Variants in PLXNA2 observed in about 807,000 individuals in gnomAD.
The protein encoded by PLXNA2 is plexin-A2.
Under a neutral mutation model 193.5 loss-of-function variants are expected in PLXNA2, and 91 were observed. The ratio of observed to expected loss-of-function variants is 0.47; its 90% CI spans 0.40 to 0.56. The LOEUF is 0.56. Ranked by LOEUF, PLXNA2 falls within the 20% of genes least tolerant of loss-of-function variation. The probability of loss-of-function intolerance (pLI) is 0.00; values close to 1 mark genes in which losing one functional copy is unlikely to be tolerated. For synonymous variants in PLXNA2, 997 were observed against 1,027.3 expected (o/e 0.97, Z 0.56); for missense variants, 1,995 against 2,503.2 (o/e 0.80, Z 4.33).
intron 4 of PLXNA2, among the ~76,000 whole-genome samples, chr1:208,125,241 G>A (rs1279690810): frequency 6.6e-6 from 1 of 152,202 alleles, no homozygotes; most frequent in Admixed American, 6.5e-5. Flanking sequence ...CTAACACAAT[G>A]CGTTTGAAGT....
chr1:208,123,372 T>G (rs1280957555), intron 4 of PLXNA2, among the ~76,000 whole-genome samples: 1 of 152,214 alleles, frequency 6.6e-6, no homozygotes, highest in East Asian at 1.9e-4. Flanking sequence ...TGATCCAGTT[T>G]AGTCATTAAT....
intron 4 of PLXNA2, among the ~76,000 whole-genome samples, chr1:208,119,786 T>C (rs976630517): frequency 5.9e-5 from 9 of 152,164 alleles, no homozygotes; most frequent in African/African-American, 2.2e-4. Context: ...ATTTAATTTT[T>C]GTATTTTTAG....
chr1:208,159,366 G>T (rs142835619), intron 3 of PLXNA2, among the ~76,000 whole-genome samples: 23 of 152,348 alleles, frequency 1.5e-4, no homozygotes, highest in African/African-American at 5.5e-4. Flanking sequence ...CCATAGAAGA[G>T]GAACTGAGTC....
At chr1:208,196,313 C>G (rs933061641) in intron 3 of PLXNA2, among the ~76,000 whole-genome samples, 2 of 152,178 alleles carry the variant, frequency 1.3e-5, no homozygotes, top group Admixed American at 1.3e-4. Flanking sequence ...ACCAAACACA[C>G]TGTTTCCTAG....
chr1:208,059,143 C>A (rs946503400), intron 13 of PLXNA2, among the ~76,000 whole-genome samples: 2 of 152,284 alleles, frequency 1.3e-5, no homozygotes, highest in Non-Finnish European at 1.5e-5. Flanking sequence ...TAACTGAGCA[C>A]CTTGCCTAGT....
intron 2 of PLXNA2, among the ~76,000 whole-genome samples, chr1:208,211,955 CG>C (rs1553298326): frequency 1.3e-5 from 2 of 152,186 alleles, no homozygotes; most frequent in Non-Finnish European, 2.9e-5. Flanking sequence ...GTGCTCAGCA[CG>C]GGGCTGGGTC....
At chr1:208,167,699 C>T (rs1385121316) in intron 3 of PLXNA2, among the ~76,000 whole-genome samples, 1 of 152,244 alleles carries the variant, frequency 6.6e-6, no homozygotes. Flanking sequence ...CTGCGCTCTT[C>T]CCTAACGGGA....
rs537493001 is a variant in PLXNA2, at chr1:208,214,979, C to A, written c.1188+1756G>T. ...TCTTCCTCTCTCTCTCTCTCTTCCCCCTACTAGATTATAAGATCTGTGAGA... is the reference window on the plus strand; with the variant it reads ...TCTTCCTCTCTCTCTCTCTCTTCCCACTACTAGATTATAAGATCTGTGAGA... On this transcript the variant is annotated intron_variant, in intron 2 of 31. Transcript: ENST00000367033. Among the ~76,000 whole-genome samples, 119 of 152,132 alleles carry A rather than the reference C, an allele frequency of 7.8e-4. 3 individuals carry two copies. In the South Asian group the frequency reaches 0.024, roughly 30 times the overall value.
chr1:208,107,023 T>C (rs1172605540), intron 4 of PLXNA2, among the ~76,000 whole-genome samples: 1 of 152,194 alleles, frequency 6.6e-6, no homozygotes, highest in African/African-American at 2.4e-5. Context: ...TGGGAAGAAC[T>C]GCAAAGACCA....
chr1:208,220,521 C>T (rs574059415), intron 1 of PLXNA2, among the ~76,000 whole-genome samples: 2 of 152,138 alleles, frequency 1.3e-5, no homozygotes, highest in East Asian at 3.9e-4. Flanking sequence ...AGACCTCCGC[C>T]TCCCTGGTTC....
intron 17 of PLXNA2, among the ~76,000 whole-genome samples, chr1:208,047,203 C>T (rs1665102071): frequency 2.2e-5 from 3 of 135,962 alleles, no homozygotes; most frequent in Non-Finnish European, 4.8e-5. Flanking sequence ...TCAGGTGATC[C>T]GCCCGCTTCG....
chr1:208,059,181 T>C (rs1056640449), intron 13 of PLXNA2, among the ~76,000 whole-genome samples: 2 of 152,294 alleles, frequency 1.3e-5, no homozygotes, highest in Middle Eastern at 3.4e-3. Context: ...TCTGTAAAGA[T>C]GGTCTGCCAG....
At chr1:208,032,072 G>A (rs1664521702) in intron 28 of PLXNA2, 5 of 985,252 alleles carry the variant, frequency 5.1e-6, no homozygotes, top group Non-Finnish European at 6.0e-6. Flanking sequence ...TCCCATGGGT[G>A]AATGAGGGGG....
intron 2 of PLXNA2, among the ~76,000 whole-genome samples, chr1:208,213,816 G>C (rs1478078572): frequency 3.9e-5 from 6 of 152,204 alleles, no homozygotes; most frequent in Non-Finnish European, 8.8e-5. Flanking sequence ...TGGTGCTGAA[G>C]GGGTGGAGGC....
chr1:208,090,941 C>T (rs556914821), intron 9 of PLXNA2, among the ~76,000 whole-genome samples: 44 of 152,286 alleles, frequency 2.9e-4, no homozygotes, highest in Middle Eastern at 6.8e-3. Flanking sequence ...AGCTGTGGTG[C>T]CCACTCCCAC....
chr1:208,071,088 C>A (rs1665962028), intron 12 of PLXNA2, among the ~76,000 whole-genome samples: 3 of 152,168 alleles, frequency 2.0e-5, no homozygotes, highest in African/African-American at 7.2e-5. Context: ...CTGCACAGCT[C>A]TCACCATGGT....
chr1:208,066,153 A>T (rs796756346), intron 12 of PLXNA2, among the ~76,000 whole-genome samples: 1 of 152,290 alleles, frequency 6.6e-6, no homozygotes, highest in African/African-American at 2.4e-5. Context: ...TTCAGCCCCA[A>T]GCTTTTCTCC....
chr1:208,222,997 C>T (rs1671389289), intron 1 of PLXNA2, among the ~76,000 whole-genome samples: 1 of 152,020 alleles, frequency 6.6e-6, no homozygotes, highest in East Asian at 1.9e-4. Flanking sequence ...ACTACTGCAC[C>T]TACTAGGGAG....
rs770410448 is a variant in PLXNA2 at position 208,084,380 on chromosome 1, C to A, written c.2298G>T (p.Ser766=). 6.2e-7 allele frequency: 1 copy of A among 1,614,002 alleles called. No individual in the cohort carries two copies. Among genetic ancestry groups the A allele is most frequent in the African/African-American group, 1.3e-5 (1 of 74,938 alleles). Residue 766 remains serine, a splice_region_variant and synonymous_variant, in exon 10 of 32, where the codon TCG becomes TCT. Coordinates refer to ENST00000367033, the MANE Select transcript of PLXNA2 (RefSeq NM_025179.4). Reference sequence around the variant, plus strand: ...CAGGGCCCAGCCTGCGTTTTCTTACCGAGCTGTTCTGACACTGAACGCTGG... The same window carrying A: ...CAGGGCCCAGCCTGCGTTTTCTTACAGAGCTGTTCTGACACTGAACGCTGG... ...NSSSVQCQNS[S]YQYDGMDISN... is the part of the protein sequence containing the mutation.
Sources: gnomAD v4.1 joint callset for allele counts (sites outside exome capture counted in the v4.1 genomes callset) on GRCh38, gnomAD v4.1.1 for gene constraint, MANE v1.5 for transcripts, NCBI Gene and HGNC (gene_info 2026-07-23, HGNC 2026-07-21) for gene names.